The following REV3L variants were observed in gnomAD, a reference collection of about 807,000 sequenced individuals.
REV3L encodes the protein DNA polymerase zeta catalytic subunit.
A neutral mutation model predicts 299.4 loss-of-function variants in REV3L; 69 were observed. The observed-to-expected ratio is 0.23, with a 90% CI of 0.19 to 0.28. The LOEUF (loss-of-function observed/expected upper bound fraction) is 0.28, where lower values mean the gene tolerates loss of function less well. REV3L is among the 10% of genes least tolerant of loss of function. The probability of loss-of-function intolerance (pLI) is 1.00; values close to 1 mark genes in which losing one functional copy is unlikely to be tolerated. For missense variants in REV3L, 3,128 were observed against 3,693.8 expected, an observed-to-expected ratio of 0.85 and a Z score of 3.97; for synonymous variants, 1,238 against 1,271.4, an observed-to-expected ratio of 0.97 and a Z score of 0.56.
intron 26 of REV3L, among the ~76,000 whole-genome samples, chr6:111,321,384 A>G (rs1441169931): frequency 1.3e-5 from 2 of 152,256 alleles, no homozygotes; most frequent in African/African-American, 2.4e-5. Flanking sequence ...AATTAAAATC[A>G]GTAAGTTAAA....
At chr6:111,395,996 A>G (rs1782458055) in intron 4 of REV3L, among the ~76,000 whole-genome samples, 2 of 152,100 alleles carry the variant, frequency 1.3e-5, no homozygotes, top group South Asian at 4.2e-4. Context: ...ACATTTATTG[A>G]TTTGTATATA....
At chr6:111,317,809 TA>T (rs992941982) in intron 26 of REV3L, among the ~76,000 whole-genome samples, 1 of 152,126 alleles carries the variant, frequency 6.6e-6, no homozygotes, top group Non-Finnish European at 1.5e-5. Flanking sequence ...AGTAAATAAA[TA>T]AAAATTTTAT....
intron 1 of REV3L, among the ~76,000 whole-genome samples, chr6:111,447,242 G>A (rs1381290660): frequency 1.3e-5 from 2 of 152,156 alleles, no homozygotes; most frequent in African/African-American, 2.4e-5. Flanking sequence ...GCCAAATACC[G>A]TACCAGATGT....
intron 25 of REV3L, among the ~76,000 whole-genome samples, chr6:111,327,370 C>G (rs1253931157): frequency 6.6e-6 from 1 of 152,008 alleles, no homozygotes; most frequent in Non-Finnish European, 1.5e-5. Flanking sequence ...GCCTGGGCAG[C>G]AGGGCGAAAC....
At chr6:111,463,936 A>G (rs1427954257) in intron 1 of REV3L, among the ~76,000 whole-genome samples, 2 of 152,078 alleles carry the variant, frequency 1.3e-5, no homozygotes, top group African/African-American at 2.4e-5. Flanking sequence ...AAAACAACCA[A>G]TATCAACATA....
intron 1 of REV3L, among the ~76,000 whole-genome samples, chr6:111,475,407 TG>T (rs1233989623): frequency 6.6e-6 from 1 of 152,166 alleles, no homozygotes; most frequent in African/African-American, 2.4e-5. Context: ...AATAAATCTG[TG>T]TTTTAATTTT....
chr6:111,457,592 C>G (rs1271778340), intron 1 of REV3L, among the ~76,000 whole-genome samples: 22 of 151,588 alleles, frequency 1.5e-4, no homozygotes, highest in Non-Finnish European at 7.4e-5. Flanking sequence ...GCTTCAGGAA[C>G]AGCAACAATA....
chr6:111,323,431 C>A (rs1774423116), intron 25 of REV3L, among the ~76,000 whole-genome samples: 1 of 152,120 alleles, frequency 6.6e-6, no homozygotes, highest in African/African-American at 2.4e-5. Context: ...AAAGTTAATG[C>A]TGAACTTCAA....
chr6:111,389,499 G>A (rs564636337), intron 6 of REV3L, among the ~76,000 whole-genome samples: 1 of 151,988 alleles, frequency 6.6e-6, no homozygotes, highest in Non-Finnish European at 1.5e-5. Flanking sequence ...AAATTAAAAG[G>A]CACAGTACAT....
In REV3L at chr6:111,376,848, T is replaced by C. The variant is rs959937798; in HGVS notation, c.1598-91A>G. ...CACCAAGATATTAATGCTATCACTA[T>C]GAAAAAATTACATCAAATTAAGTTT... On this transcript the variant is annotated intron_variant, in intron 12 of 31. Transcript: ENST00000368802. The C allele has an allele frequency of 7.7e-6, 8 of 1,041,640 alleles. No individual in the cohort carries two copies. The East Asian group carries it at 1.1e-4, about 14-fold the overall frequency. The allele number at this position is 1,041,640 out of a possible 1,614,324, so 64.5% of individuals were successfully genotyped here.
chr6:111,303,194 G>GTC (rs1477705370), intron 31 of REV3L, among the ~76,000 whole-genome samples: 39 of 89,708 alleles, frequency 4.3e-4, no homozygotes, highest in South Asian at 7.2e-4. Context: ...AGATGAGAGA[G>GTC]AGCGTCTCAT....
Position 111,309,814 on chromosome 6 carries a change from C to T in REV3L, c.9042+39G>A. Reference sequence around the variant, plus strand: ...CTACTGAAAATTTGGAGTGAAATCTCTCCATAGTTAGAGCACATGTACTAT... The same window carrying T: ...CTACTGAAAATTTGGAGTGAAATCTTTCCATAGTTAGAGCACATGTACTAT... On this transcript the variant is annotated intron_variant, in intron 30 of 31. Coordinates refer to ENST00000368802, the MANE Select transcript of REV3L (RefSeq NM_001372078.1). 5 of 1,589,174 alleles carry T rather than the reference C, an allele frequency of 3.1e-6. No homozygotes were observed. In the South Asian group the frequency reaches 5.8e-5, roughly 18 times the overall value.
At chr6:111,349,008 G>GAAAAAAA in intron 20 of REV3L, 2 of 299,562 alleles carry the variant, frequency 6.7e-6, no homozygotes, top group Non-Finnish European at 1.2e-5. Context: ...TTAGACACAA[G>GAAAAAAA]AAAAAAAAAA....
chr6:111,375,359 G>C lies in REV3L; in HGVS notation c.2996C>G (p.Ser999Cys), dbSNP rs750455743. The C allele has an allele frequency of 6.3e-7, 1 of 1,586,426 alleles. No individual in the cohort carries two copies. The change falls in exon 13 of 32, where the codon TCT (serine) becomes TGT (cysteine). Residue 999 changes from serine (S) to cysteine (C), a missense_variant. Physicochemically the swap from Ser to Cys is moderately radical, Grantham distance 112. Coordinates refer to ENST00000368802, the MANE Select transcript of REV3L (RefSeq NM_001372078.1). ...TGTTAATATTACTTGTTTTTCTTTA[G>C]AGTCTATTTTTCCTAGCTTCACAAG... ...NMLVKLGKID[S>C]KEKQVILTEE... is the part of the protein sequence containing the mutation.
At chr6:111,377,539 G>A (rs1429149523) in intron 12 of REV3L, among the ~76,000 whole-genome samples, 162 bp downstream of exon 12, 4 of 151,996 alleles carry the variant, frequency 2.6e-5, no homozygotes, top group African/African-American at 4.8e-5. Flanking sequence ...GTCCCACTAC[G>A]TTGCCTAGGC....
chr6:111,419,264 C>T (rs1216712983), intron 1 of REV3L, among the ~76,000 whole-genome samples: 1 of 151,916 alleles, frequency 6.6e-6, no homozygotes, highest in Non-Finnish European at 1.5e-5. Flanking sequence ...GCACTAACAG[C>T]TCTAATATAG....
In REV3L at chr6:111,379,943, T is replaced by C. The variant is rs766318079; in HGVS notation, c.1454+39A>G. ...ATTTCTGATTGAAGGACAATAATGA[T>C]AAAAGTTAATAAAACAACTGCAATA... On this transcript the variant is annotated intron_variant, in intron 11 of 31. Coordinates refer to ENST00000368802, the MANE Select transcript of REV3L (RefSeq NM_001372078.1). The C allele has an allele frequency of 4.9e-5, 59 of 1,193,386 alleles. No individual in the cohort carries two copies. The East Asian group carries it at 1.3e-3, about 25-fold the overall frequency. The allele number at this position is 1,193,386 out of a possible 1,614,324, so 73.9% of individuals were successfully genotyped here. A position where few individuals can be genotyped will look rare whatever the true frequency, so the allele number is the denominator to read the frequency against.
intron 4 of REV3L, among the ~76,000 whole-genome samples, chr6:111,397,933 AGTTTAAATCCAAT>A (rs1302048378): frequency 2.0e-5 from 3 of 151,660 alleles, no homozygotes; most frequent in Non-Finnish European, 4.4e-5. Context: ...TCTAAAGTAA[AGTTTAAATCCAAT>A]GTTTCTTTTT....
At chr6:111,438,953 G>C (rs1787921834) in intron 1 of REV3L, among the ~76,000 whole-genome samples, 1 of 152,076 alleles carries the variant, frequency 6.6e-6, no homozygotes, top group African/African-American at 2.4e-5. Flanking sequence ...TTTTTTAGTG[G>C]TTACCCTGGA....
Sources: allele counts gnomAD v4.1 joint callset (sites outside exome capture counted in the v4.1 genomes callset), GRCh38; gene constraint gnomAD v4.1.1; transcripts MANE v1.5; gene names NCBI Gene and HGNC (gene_info 2026-07-23, HGNC 2026-07-21).